The following PTPRZ1 variants were observed in gnomAD, a reference collection of about 807,000 sequenced individuals.
PTPRZ1 encodes the protein receptor-type tyrosine-protein phosphatase zeta.
Under a neutral mutation model 214.1 loss-of-function variants are expected in PTPRZ1, and 82 were observed. The observed-to-expected ratio is 0.38, with a 90% CI of 0.32 to 0.46. The LOEUF (loss-of-function observed/expected upper bound fraction) is 0.46, where lower values mean the gene tolerates loss of function less well. Ranked by LOEUF, PTPRZ1 falls within the 20% of genes least tolerant of loss-of-function variation. PTPRZ1 has a pLI of 1.00. For missense variants in PTPRZ1, 2,603 were observed against 2,748.7 expected (o/e 0.95, Z 1.19); for synonymous variants, 945 against 987.9 (o/e 0.96, Z 0.81).
chr7:121,892,635 C>A (rs1794668257), intron 1 of PTPRZ1, among the ~76,000 whole-genome samples: 1 of 143,304 alleles, frequency 7.0e-6, no homozygotes, highest in Non-Finnish European at 1.5e-5. Context: ...ATTTAAAGGG[C>A]AAAATCATTC....
At chr7:121,992,053 T>C (rs1435517380) in intron 8 of PTPRZ1, among the ~76,000 whole-genome samples, 3 of 152,224 alleles carry the variant, frequency 2.0e-5, no homozygotes, top group Non-Finnish European at 4.4e-5. Flanking sequence ...GCATGAGCTG[T>C]GTTATACTGT....
At chr7:121,972,327 G>C (rs999228426) in intron 3 of PTPRZ1, among the ~76,000 whole-genome samples, 4 of 152,076 alleles carry the variant, frequency 2.6e-5, no homozygotes, top group Non-Finnish European at 4.4e-5. Context: ...TCATACACTA[G>C]TCAATATCTT....
intron 9 of PTPRZ1, among the ~76,000 whole-genome samples, chr7:121,997,179 G>A (rs1254585422): frequency 6.6e-6 from 1 of 152,074 alleles, no homozygotes; most frequent in Non-Finnish European, 1.5e-5. Flanking sequence ...CATAGATTAG[G>A]GTGTAGTTGA....
At chr7:121,880,295 C>T (rs1259667627) in intron 1 of PTPRZ1, among the ~76,000 whole-genome samples, 1 of 151,960 alleles carries the variant, frequency 6.6e-6, no homozygotes, top group Non-Finnish European at 1.5e-5. Flanking sequence ...TTACAAGTTT[C>T]CTTGGAAATG....
At chr7:121,979,576 T>C (rs1287953238) in intron 6 of PTPRZ1, among the ~76,000 whole-genome samples, 1 of 152,230 alleles carries the variant, frequency 6.6e-6, no homozygotes, top group Non-Finnish European at 1.5e-5. Context: ...CTTTCTCTAG[T>C]GCTTGGCCCT....
intron 8 of PTPRZ1, among the ~76,000 whole-genome samples, chr7:121,993,722 A>G (rs1798044432): frequency 6.6e-6 from 1 of 152,110 alleles, no homozygotes; most frequent in Non-Finnish European, 1.5e-5. Flanking sequence ...AATAGTGTGT[A>G]TGGAATTAAC....
At chr7:122,023,208 A>G (rs1799073306) in intron 13 of PTPRZ1, among the ~76,000 whole-genome samples, 1 of 151,910 alleles carries the variant, frequency 6.6e-6, no homozygotes, top group African/African-American at 2.4e-5. Context: ...TACCTAACTC[A>G]AGATATTCCC....
chr7:121,956,013 T>C (rs1225303016), intron 2 of PTPRZ1, among the ~76,000 whole-genome samples: 1 of 152,010 alleles, frequency 6.6e-6, no homozygotes, highest in Non-Finnish European at 1.5e-5. Context: ...AAATTACCTT[T>C]CTTTCCCCAT....
At chr7:121,970,351 G>A (rs1283129337) in intron 3 of PTPRZ1, among the ~76,000 whole-genome samples, 1 of 152,192 alleles carries the variant, frequency 6.6e-6, no homozygotes, top group Admixed American at 6.5e-5. Context: ...GGTATTTCCA[G>A]TTCTAGATCT....
chr7:121,892,241 C>A (rs1021970868), intron 1 of PTPRZ1, among the ~76,000 whole-genome samples: 3 of 152,068 alleles, frequency 2.0e-5, no homozygotes, highest in African/African-American at 7.2e-5. Context: ...TGCAAGACAA[C>A]CTGGATGCAA....
At position 121,952,205 on chromosome 7, in the gene PTPRZ1, G is replaced by T. The variant is rs1302563574; in HGVS notation, c.125-15746G>T. Among the ~76,000 whole-genome samples the T allele has an allele frequency of 2.6e-5, 4 of 152,078 alleles. No individual in the cohort carries two copies. The East Asian group carries it at 7.7e-4, about 29-fold the overall frequency. On this transcript the variant is annotated intron_variant, in intron 2 of 29. Coordinates refer to ENST00000393386, the MANE Select transcript of PTPRZ1 (RefSeq NM_002851.3). ...TATCTCCTGACCTCGTGATTGGCCG[G>T]CCTCGGCCTCCCAAAGTGCTGGGAT...
Position 121,967,962 on chromosome 7 carries a change from CA to C in PTPRZ1, c.143del (p.Asn48IlefsTer26). On this transcript the variant is annotated frameshift_variant, in exon 3 of 30. Transcript: ENST00000393386. LOFTEE classifies it high-confidence loss of function. ...CTTCTTTTCCCTAGGAGCACTGAAT[CA>C]AAAAAATTGGGGAAAGAAATATCCA... ...IGWSYTGALN[Q>X]KNWGKKYPTC... 10 of 1,572,138 alleles carry C rather than the reference CA, an allele frequency of 6.4e-6. No individual in the cohort carries two copies. Among genetic ancestry groups the C allele is most frequent in the Admixed American group, 3.5e-5 (2 of 56,446 alleles).
intron 19 of PTPRZ1, 85 bp from the exon 20 acceptor site, chr7:122,039,369 A>G (rs560996096): frequency 7.0e-7 from 1 of 1,427,056 alleles, no homozygotes; most frequent in African/African-American, 1.4e-5. Flanking sequence ...TCCTGTCACC[A>G]TCTCAGACCT....
At chr7:122,006,341 A>G (rs556305914) in intron 11 of PTPRZ1, among the ~76,000 whole-genome samples, 46 of 152,122 alleles carry the variant, frequency 3.0e-4, no homozygotes, top group African/African-American at 1.1e-3. Context: ...AGAACTTATT[A>G]TTCCTATCTA....
intron 28 of PTPRZ1, 134 bp from the exon 29 acceptor site, chr7:122,059,619 C>G: frequency 1.0e-6 from 1 of 982,922 alleles, no homozygotes; most frequent in Non-Finnish European, 1.5e-6. Context: ...GTGCAAAAAG[C>G]GAAGAGAGAC....
Position 121,873,440 on chromosome 7 carries a change from T to A in PTPRZ1, c.-60T>A, listed in dbSNP as rs932975952. On this transcript the variant is annotated 5_prime_UTR_variant, in exon 1 of 30. Transcript: ENST00000393386. ...AAAAAAACATTTCCTTCGCTCCCCCTCCCTCTCCACTCTGAGAAGCAGAGG... is the reference window on the plus strand; with the variant it reads ...AAAAAAACATTTCCTTCGCTCCCCCACCCTCTCCACTCTGAGAAGCAGAGG... The A allele has an allele frequency of 1.9e-6, 3 of 1,554,644 alleles. No individual in the cohort carries two copies. In the African/African-American group the frequency reaches 4.1e-5, roughly 21 times the overall value.
intron 2 of PTPRZ1, among the ~76,000 whole-genome samples, chr7:121,964,999 A>G (rs988604371): frequency 6.6e-6 from 1 of 152,184 alleles, no homozygotes; most frequent in Non-Finnish European, 1.5e-5. Context: ...CAAGGAGCTC[A>G]TGTTTTATTT....
intron 2 of PTPRZ1, among the ~76,000 whole-genome samples, chr7:121,963,236 A>G (rs1796933796): frequency 6.6e-6 from 1 of 152,174 alleles, no homozygotes; most frequent in Non-Finnish European, 1.5e-5. Flanking sequence ...GGATAAAGAT[A>G]TTTTGAAAGT....
At chr7:121,996,948 T>TAG (rs1235574988) in intron 9 of PTPRZ1, among the ~76,000 whole-genome samples, 1 of 152,228 alleles carries the variant, frequency 6.6e-6, no homozygotes, top group East Asian at 1.9e-4. Flanking sequence ...ACAGGAAAAG[T>TAG]AGAGTAGGGG....
Sources: gnomAD v4.1 joint callset for allele counts (sites outside exome capture counted in the v4.1 genomes callset) on GRCh38, gnomAD v4.1.1 for gene constraint, MANE v1.5 for transcripts, NCBI Gene and HGNC (gene_info 2026-07-23, HGNC 2026-07-21) for gene names.